The following CALD1 variants were observed in gnomAD, a reference collection of about 807,000 sequenced individuals.
CALD1 encodes the protein caldesmon.
Under a neutral mutation model 99.9 loss-of-function variants are expected in CALD1, and 33 were observed. That is an observed-to-expected ratio of 0.33 (90% CI 0.25 to 0.44). The LOEUF is 0.44. Among genes scored for constraint, CALD1 ranks in the 20% least tolerant of loss-of-function variants. The probability of loss-of-function intolerance (pLI) is 1.00; values close to 1 mark genes in which losing one functional copy is unlikely to be tolerated. For missense variants in CALD1, 861 were observed against 962.1 expected (o/e 0.89, Z 1.39); for synonymous variants, 310 against 325.0 (o/e 0.95, Z 0.50).
intron 3 of CALD1, among the ~76,000 whole-genome samples, chr7:134,887,972 G>A (rs188237868): frequency 4.3e-4 from 65 of 152,308 alleles, no homozygotes; most frequent in South Asian, 8.3e-4. Flanking sequence ...TTGTTTCAAG[G>A]TAGAAGCTGT....
At chr7:134,825,271 T>C (rs2132033989) in intron 1 of CALD1, among the ~76,000 whole-genome samples, 1 of 152,296 alleles carries the variant, frequency 6.6e-6, no homozygotes, top group South Asian at 2.1e-4. Context: ...GATGGAGTCA[T>C]ACATTTGGGT....
At chr7:134,865,335 G>T (rs3800746) in intron 2 of CALD1, among the ~76,000 whole-genome samples, 1 of 151,182 alleles carries the variant, frequency 6.6e-6, no homozygotes, top group Non-Finnish European at 1.5e-5. Context: ...AACACATACA[G>T]CTTCTCTCCC....
chr7:134,796,976 C>T (rs910786341), intron 1 of CALD1, among the ~76,000 whole-genome samples: 1 of 152,094 alleles, frequency 6.6e-6, no homozygotes, highest in African/African-American at 2.4e-5. Flanking sequence ...TTGAGACAGA[C>T]TGCCATTCAA....
chr7:134,890,020 T>C (rs1349307670), intron 3 of CALD1, among the ~76,000 whole-genome samples: 1 of 152,156 alleles, frequency 6.6e-6, no homozygotes, highest in Non-Finnish European at 1.5e-5. Context: ...GCAATTCTCC[T>C]GCCGCAGCCT....
intron 1 of CALD1, among the ~76,000 whole-genome samples, chr7:134,761,183 A>G (rs1350822355): frequency 6.6e-6 from 1 of 152,198 alleles, no homozygotes; most frequent in Admixed American, 6.5e-5. Flanking sequence ...AGTTTCATCT[A>G]AAATTGGCTC....
chr7:134,796,697 T>C (rs1797756728), intron 1 of CALD1, among the ~76,000 whole-genome samples: 1 of 152,088 alleles, frequency 6.6e-6, no homozygotes, highest in South Asian at 2.1e-4. Flanking sequence ...GCAATCATCC[T>C]GCCCTAGCCT....
chr7:134,786,619 C>G (rs761144123), intron 1 of CALD1, among the ~76,000 whole-genome samples: 1 of 151,822 alleles, frequency 6.6e-6, no homozygotes, highest in African/African-American at 2.4e-5. Context: ...TCGTATATAC[C>G]CAGTGCGTGG....
At chr7:134,898,678 C>T (rs1446975339) in intron 3 of CALD1, among the ~76,000 whole-genome samples, 1 of 151,760 alleles carries the variant, frequency 6.6e-6, no homozygotes, top group Non-Finnish European at 1.5e-5. Flanking sequence ...GGTTCAAGCA[C>T]TTCTCCAGCC....
chr7:134,844,082 C>A (rs1351442661), intron 2 of CALD1, 111 bp downstream of exon 2: 1 of 152,180 alleles, frequency 6.6e-6, no homozygotes, highest in African/African-American at 2.4e-5. Context: ...TGTGAGAAAC[C>A]AGTTTTTCTG....
At chr7:134,798,862 C>T (rs1384595241) in intron 1 of CALD1, among the ~76,000 whole-genome samples, 1 of 152,096 alleles carries the variant, frequency 6.6e-6, no homozygotes, top group Non-Finnish European at 1.5e-5. Flanking sequence ...TGGGGTGGCA[C>T]CTTATGGTGG....
the CALD1 span, among the ~76,000 whole-genome samples, chr7:134,734,215 A>G: frequency 6.6e-6 from 1 of 152,230 alleles, no homozygotes; most frequent in Admixed American, 6.5e-5. Context: ...AATGTTTCCT[A>G]TAAAGAATTA....
At chr7:134,714,195 T>C in the CALD1 span, among the ~76,000 whole-genome samples, 2 of 152,282 alleles carry the variant, frequency 1.3e-5, no homozygotes, top group Non-Finnish European at 2.9e-5. Context: ...CGTGAGCCAA[T>C]TAAACCTCTT....
Position 134,744,722 on chromosome 7 carries a change from C to T in CALD1, c.-130+359C>T, listed in dbSNP as rs917092457. Among the ~76,000 whole-genome samples, 7 of 152,014 alleles carry T rather than the reference C, an allele frequency of 4.6e-5. No homozygotes were observed. In the South Asian group the frequency reaches 6.2e-4, roughly 14 times the overall value. ...CATGATAAATACCTGCAAGTCGTTC[C>T]CTAGAGGAGCCTCATCCTTTCCTTA... On this transcript the variant is annotated intron_variant, in intron 1 of 13. Transcript: ENST00000417172.
intron 1 of CALD1, among the ~76,000 whole-genome samples, chr7:134,784,111 T>G (rs939276826): frequency 1.3e-5 from 2 of 152,232 alleles, no homozygotes; most frequent in Non-Finnish European, 2.9e-5. Context: ...GTACATGGCT[T>G]TTCTTTGAAA....
At chr7:134,769,520 T>C (rs1796858942) in intron 1 of CALD1, among the ~76,000 whole-genome samples, 3 of 152,228 alleles carry the variant, frequency 2.0e-5, no homozygotes, top group Admixed American at 2.0e-4. Context: ...CTTTTGACCT[T>C]TGCAGTGTTC....
chr7:134,870,473 C>T (rs910875247), intron 3 of CALD1, among the ~76,000 whole-genome samples: 7 of 152,134 alleles, frequency 4.6e-5, no homozygotes, highest in East Asian at 1.9e-4. Flanking sequence ...CTACGTGGTT[C>T]GTTCCTTTGA....
upstream of CALD1, chr7:134,744,245 T>G (rs754391528): frequency 6.6e-6 from 1 of 152,130 alleles, no homozygotes; most frequent in Non-Finnish European, 1.5e-5. Flanking sequence ...GTAAAGTGGC[T>G]GAGGAAATAT....
chr7:134,825,102 T>C (rs562730126), intron 1 of CALD1, among the ~76,000 whole-genome samples: 15 of 152,316 alleles, frequency 9.8e-5, no homozygotes, highest in South Asian at 6.2e-4. Context: ...TTAATACTTA[T>C]AATGGAAAGA....
chr7:134,749,313 T>C (rs992862558), intron 1 of CALD1, among the ~76,000 whole-genome samples: 1 of 152,194 alleles, frequency 6.6e-6, no homozygotes, highest in Admixed American at 6.5e-5. Context: ...GAGCAAGGAC[T>C]GGGTCTTTAA....
Sources: allele counts gnomAD v4.1 joint callset (sites outside exome capture counted in the v4.1 genomes callset), GRCh38; gene constraint gnomAD v4.1.1; transcripts MANE v1.5; gene names NCBI Gene and HGNC (gene_info 2026-07-23, HGNC 2026-07-21).